PARP10: variants seen among roughly 807,000 people sequenced by gnomAD.
The protein encoded by PARP10 is protein mono-ADP-ribosyltransferase PARP10.
Under a neutral mutation model 82.4 loss-of-function variants are expected in PARP10, and 56 were observed. That is an observed-to-expected ratio of 0.68 (90% CI 0.55 to 0.85). The LOEUF is 0.85. Ranked by LOEUF, PARP10 falls within the 40% of genes least tolerant of loss-of-function variation. The pLI is 0.00. For synonymous variants in PARP10, 576 were observed against 601.1 expected, an observed-to-expected ratio of 0.96 and a Z score of 0.61; for missense variants, 1,227 against 1,379.4, an observed-to-expected ratio of 0.89 and a Z score of 1.75.
At chr8:144,001,576 C>T (rs528849690) in intron 1 of PARP10, among the ~76,000 whole-genome samples, 1 of 152,122 alleles carries the variant, frequency 6.6e-6, no homozygotes, top group East Asian at 1.9e-4. Flanking sequence ...TGTGATGGCT[C>T]GCTCTTGTAA....
In PARP10 at chr8:143,977,525, C is replaced by T; in HGVS notation, c.3037G>A (p.Asp1013Asn). 6.4e-7 allele frequency: 1 copy of T among 1,560,154 alleles called. No homozygotes were observed. Among genetic ancestry groups the T allele is most frequent in the Non-Finnish European group, 8.7e-7 (1 of 1,152,428 alleles). ...CGGCCCGGGAGCCCAGAGGGGTCGT[C>T]GGGGGAAGCGCGGGGCACGTGCTCG... ...TCEHVPRASP[D>N]DPSGLPGRSP... is the part of the protein sequence containing the mutation. Residue 1013 changes from aspartate (D) to asparagine (N), a missense_variant, in exon 11 of 11, where the codon GAC becomes AAC. Coordinates refer to ENST00000313028, the MANE Select transcript of PARP10 (RefSeq NM_032789.5).
In PARP10 at chr8:143,984,648, G is replaced by C. The variant is rs782653623; in HGVS notation, c.1354C>G (p.Pro452Ala). The part of the protein sequence containing the change: ...GLVEMVLLME[P>A]GAMRFLQLYH... ...AGCTGCAGGAAGCGCATCGCCCCTG[G>C]CTCCATCAATAGCACCATCTCCACC... The change falls in exon 5 of 11, where the codon CCA becomes GCA. Residue 452 changes from proline to alanine, a missense_variant. Pro to Ala is a conservative substitution (Grantham distance 27, BLOSUM62 -1). Transcript: ENST00000313028. The C allele has an allele frequency of 6.2e-7, 1 of 1,614,040 alleles. No homozygotes were observed. Among genetic ancestry groups the C allele is most frequent in the Non-Finnish European group, 8.5e-7 (1 of 1,179,980 alleles).
At position 143,986,085 on chromosome 8, in the gene PARP10, C is replaced by A; in HGVS notation, c.151G>T (p.Gly51Trp). The change falls in exon 2 of 11, where the codon GGG (glycine) becomes TGG (tryptophan). Residue 51 changes from glycine to tryptophan, a missense_variant. Coordinates refer to ENST00000313028, the MANE Select transcript of PARP10 (RefSeq NM_032789.5). ...PVLSWQRLGC[G>W]GVLTFREPAD... ...GGCTCTCTGAAGGTGAGGACGCCCC[C>A]ACAGCCCAGTCTCTGCCAGCTCAAC... is the stretch of plus-strand genomic sequence containing the variant. 6.2e-7 allele frequency: 1 copy of A among 1,614,068 alleles called. No homozygotes were observed. Among genetic ancestry groups the A allele is most frequent in the Non-Finnish European group, 8.5e-7 (1 of 1,179,998 alleles).
rs185875299 is a variant in PARP10, at chr8:144,007,430, T to C, written c.-80+5100A>G. On this transcript the variant is annotated intron_variant, in intron 1 of 3. Transcript: ENST00000530478. ...TCCTCAGACACTCAGAAGCCAGTTATTATCTTGTCTGTTTCAACTGCTGGT... is the reference window on the plus strand; with the variant it reads ...TCCTCAGACACTCAGAAGCCAGTTACTATCTTGTCTGTTTCAACTGCTGGT... Among the ~76,000 whole-genome samples, 65 of 152,328 alleles carry C rather than the reference T, an allele frequency of 4.3e-4. 1 individual carries two copies. Among genetic ancestry groups the C allele is most frequent in the Admixed American group, 2.9e-3 (44 of 15,302 alleles).
intron 1 of PARP10, among the ~76,000 whole-genome samples, chr8:143,996,385 G>A (rs144338071): frequency 7.2e-4 from 109 of 152,268 alleles, no homozygotes; most frequent in Middle Eastern, 3.4e-3. Flanking sequence ...GCAAAGCAAC[G>A]CTGTCAATCA....
chr8:143,991,007 C>T (rs974784090), upstream of PARP10: 4 of 406,358 alleles, frequency 9.8e-6, no homozygotes, highest in Non-Finnish European at 1.8e-5. Context: ...GGGAAGGCCC[C>T]ACGGCGCCGC....
Position 143,984,019 on chromosome 8 carries a change from T to C in PARP10, c.1766A>G (p.Asp589Gly). 6.6e-7 allele frequency: 1 copy of C among 1,518,020 alleles called. No individual in the cohort carries two copies. Among genetic ancestry groups the C allele is most frequent in the Non-Finnish European group, 8.8e-7 (1 of 1,133,994 alleles). The allele number at this position is 1,518,020 out of a possible 1,614,324, so 94.0% of individuals were successfully genotyped here. Reference protein sequence around the residue: ...TPDSTGGDQEDVSLEEVRELL... With the variant: ...TPDSTGGDQEGVSLEEVRELL... Reference sequence around the variant, plus strand: ...CCAGGGAGCCCTACCCAGGCTCACGTCCTCCTGGTCACCACCTGTACTGTC... The same window carrying C: ...CCAGGGAGCCCTACCCAGGCTCACGCCCTCCTGGTCACCACCTGTACTGTC... Residue 589 changes from aspartate (D) to glycine (G), a missense_variant, in exon 7 of 11, where the codon GAC becomes GGC. Asp to Gly is a moderately conservative substitution (Grantham distance 94). Coordinates refer to ENST00000313028, the MANE Select transcript of PARP10 (RefSeq NM_032789.5).
chr8:143,987,433 A>C (rs986486905), upstream of PARP10, among the ~76,000 whole-genome samples: 1 of 151,914 alleles, frequency 6.6e-6, no homozygotes, highest in East Asian at 1.9e-4. Context: ...TGCTGCCCCG[A>C]CCCTGGTCCC....
Position 143,984,673 on chromosome 8 carries a change from C to G in PARP10, c.1329G>C (p.Leu443=). The G allele has an allele frequency of 6.2e-7, 1 of 1,614,114 alleles. No homozygotes were observed. Among genetic ancestry groups the G allele is most frequent in the Non-Finnish European group, 8.5e-7 (1 of 1,179,988 alleles). ...GCVKLAGQEG[L]VEMVLLMEPG... Reference sequence around the variant, plus strand: ...GCTCCATCAATAGCACCATCTCCACCAGGCCCTCCTGCCCTGCCAGCTTCA... The same window carrying G: ...GCTCCATCAATAGCACCATCTCCACGAGGCCCTCCTGCCCTGCCAGCTTCA... The change falls in exon 5 of 11, where the codon CTG becomes CTC. Residue 443 remains leucine, a synonymous_variant. Transcript: ENST00000313028.
intron 9 of PARP10, among the ~76,000 whole-genome samples, chr8:143,978,679 CAGCT>C (rs1833777117): frequency 6.6e-6 from 1 of 152,088 alleles, no homozygotes; most frequent in Non-Finnish European, 1.5e-5. Context: ...ACTGAAGACC[CAGCT>C]AGCGTTCTAG....
chr8:143,995,074 T>G (rs566249460), upstream of PARP10, among the ~76,000 whole-genome samples: 1 of 152,182 alleles, frequency 6.6e-6, no homozygotes, highest in South Asian at 2.1e-4. Flanking sequence ...TGAGGCTCCC[T>G]GGGAACGGCA....
upstream of PARP10, among the ~76,000 whole-genome samples, chr8:143,988,219 G>A (rs1226683258): frequency 3.7e-5 from 5 of 134,024 alleles, no homozygotes; most frequent in Non-Finnish European, 6.3e-5. Flanking sequence ...CCGTGATCTC[G>A]GCTCACTGCA....
upstream of PARP10, chr8:143,992,156 C>A (rs782087713): frequency 6.2e-7 from 1 of 1,602,082 alleles, no homozygotes; most frequent in South Asian, 1.1e-5. Flanking sequence ...GCCTGGTCAC[C>A]GTGGTTCTCC....
At chr8:143,987,754 G>A (rs928742020), upstream of PARP10, among the ~76,000 whole-genome samples, 1 of 152,198 alleles carries the variant, frequency 6.6e-6, no homozygotes, top group Non-Finnish European at 1.5e-5. Flanking sequence ...AGCCGGGCAT[G>A]GTGGCAGGTG....
chr8:143,986,679 G>C (rs1451517676), upstream of PARP10: 1 of 524,234 alleles, frequency 1.9e-6, no homozygotes, highest in Non-Finnish European at 3.4e-6. Flanking sequence ...GTAGACAGGA[G>C]TGTCCCCTGG....
chr8:144,006,380 G>C (rs782319096), intron 1 of PARP10, among the ~76,000 whole-genome samples: 5 of 152,264 alleles, frequency 3.3e-5, no homozygotes, highest in Non-Finnish European at 7.3e-5. Flanking sequence ...GGCACAGAGA[G>C]GTTGGGGGCC....
At chr8:143,995,136 C>A (rs934727149), upstream of PARP10, among the ~76,000 whole-genome samples, 3 of 152,158 alleles carry the variant, frequency 2.0e-5, no homozygotes, top group Admixed American at 6.5e-5. Context: ...ACAGCAAAGA[C>A]CCCCACTGCC....
intron 1 of PARP10, among the ~76,000 whole-genome samples, chr8:144,006,456 G>A (rs1834237190): frequency 6.6e-6 from 1 of 152,240 alleles, no homozygotes; most frequent in Admixed American, 6.5e-5. Context: ...TACAGCTGAA[G>A]GGTGGGCACT....
chr8:143,980,852 T>G, intron 9 of PARP10, among the ~76,000 whole-genome samples: 1 of 152,202 alleles, frequency 6.6e-6, no homozygotes. Flanking sequence ...TTTTCATTAT[T>G]ATAGTATGTC....
Sources: gnomAD v4.1 joint callset for allele counts (sites outside exome capture counted in the v4.1 genomes callset) on GRCh38, gnomAD v4.1.1 for gene constraint, MANE v1.5 for transcripts, NCBI Gene and HGNC (gene_info 2026-07-23, HGNC 2026-07-21) for gene names.